The following DDC variants were observed in gnomAD, a reference collection of about 807,000 sequenced individuals.
DDC encodes the protein dopa decarboxylase.
A neutral mutation model predicts 60.0 loss-of-function variants in DDC; 43 were observed. The ratio of observed to expected loss-of-function variants is 0.72; its 90% CI spans 0.56 to 0.92. DDC has a LOEUF of 0.92. Among genes scored for constraint, DDC ranks in the 40% least tolerant of loss-of-function variants. DDC has a pLI of 0.00. For synonymous variants in DDC, 232 were observed against 234.6 expected (o/e 0.99, Z 0.10); for missense variants, 573 against 620.2 (o/e 0.92, Z 0.81).
At position 50,525,324 on chromosome 7, in the gene DDC, A is replaced by G. The variant is rs892981644; in HGVS notation, c.714+2813T>C. Among the ~76,000 whole-genome samples the G allele has an allele frequency of 2.0e-5, 3 of 152,244 alleles. 1 individual carries two copies. The South Asian group carries it at 6.2e-4, about 32-fold the overall frequency. ...ATAAATGACATAGACCTATACACAC[A>G]CAATGAACCAGTGTCAGTCTCCTGT... On this transcript the variant is annotated intron_variant, in intron 6 of 14. Coordinates refer to ENST00000444124, the MANE Select transcript of DDC (RefSeq NM_001082971.2).
rs1232303614 is a variant in DDC at position 50,463,230 on chromosome 7, C to T, written c.*1G>A. ...CAGCCTACCTGCAGCTGGCTTCACTCCTACTCCCTCTCTGCTCGCAGCACG... is the reference window on the plus strand; with the variant it reads ...CAGCCTACCTGCAGCTGGCTTCACTTCTACTCCCTCTCTGCTCGCAGCACG... On this transcript the variant is annotated 3_prime_UTR_variant, in exon 14 of 15. Coordinates refer to ENST00000444124, the MANE Select transcript of DDC (RefSeq NM_001082971.2). 5 of 1,609,584 alleles carry T rather than the reference C, an allele frequency of 3.1e-6. No homozygotes were observed. Among genetic ancestry groups the T allele is most frequent in the Non-Finnish European group, 4.2e-6 (5 of 1,178,128 alleles).
At chr7:50,473,571 G>A (rs995714413) in intron 11 of DDC, among the ~76,000 whole-genome samples, 1 of 152,230 alleles carries the variant, frequency 6.6e-6, no homozygotes, top group Non-Finnish European at 1.5e-5. Context: ...CAGCAGCACA[G>A]AAGGCCAATC....
chr7:50,474,661 G>A (rs2060763), intron 11 of DDC, among the ~76,000 whole-genome samples: 118,495 of 152,168 alleles, frequency 0.78, 46,341 homozygotes, highest in Admixed American at 0.84. Context: ...CAGCATTGCT[G>A]GGGATTGTGC....
At chr7:50,479,952 C>A in intron 9 of DDC, 89 bp from the exon 10 acceptor site, 8 of 950,116 alleles carry the variant, frequency 8.4e-6, no homozygotes, top group South Asian at 4.1e-5. Flanking sequence ...TCAGCTCAGG[C>A]ACCTGCTCCC....
chr7:50,553,292 T>G (rs2153553202), intron 1 of DDC, among the ~76,000 whole-genome samples: 1 of 152,180 alleles, frequency 6.6e-6, no homozygotes, highest in African/African-American at 2.4e-5. Context: ...AAAATAGGGT[T>G]GACATTTTTT....
At chr7:50,528,401 G>T in intron 5 of DDC, 121 bp from the exon 6 acceptor site, 2 of 1,227,290 alleles carry the variant, frequency 1.6e-6, no homozygotes, top group Non-Finnish European at 1.2e-6. Flanking sequence ...CGGCACAGGA[G>T]GCAGAACTGC....
At chr7:50,540,505 A>C (rs1018037219) in intron 2 of DDC, among the ~76,000 whole-genome samples, 4 of 151,666 alleles carry the variant, frequency 2.6e-5, no homozygotes, top group African/African-American at 7.3e-5. Flanking sequence ...CAAAAAAAAA[A>C]ACCAAGCTCT....
chr7:50,478,679 G>C (rs1464146149), intron 10 of DDC, among the ~76,000 whole-genome samples: 1 of 152,172 alleles, frequency 6.6e-6, no homozygotes, highest in Non-Finnish European at 1.5e-5. Flanking sequence ...TTAGCCAGTA[G>C]TTTCCTCTGA....
chr7:50,500,521 A>G (rs1194315993), intron 7 of DDC, among the ~76,000 whole-genome samples: 1 of 152,156 alleles, frequency 6.6e-6, no homozygotes, highest in Non-Finnish European at 1.5e-5. Flanking sequence ...ACATCCCATG[A>G]TTACTGAGTG....
chr7:50,466,876 T>C (rs770188132), intron 13 of DDC, among the ~76,000 whole-genome samples: 2 of 152,186 alleles, frequency 1.3e-5, no homozygotes, highest in Non-Finnish European at 2.9e-5. Context: ...GACACTCAGA[T>C]TAGTGAGGCT....
At chr7:50,512,796 C>T (rs1163817834) in intron 6 of DDC, among the ~76,000 whole-genome samples, 1 of 152,232 alleles carries the variant, frequency 6.6e-6, no homozygotes, top group Non-Finnish European at 1.5e-5. Context: ...TTTTTCCCCC[C>T]TTATTTTCCT....
At chr7:50,508,811 A>G (rs962360615) in intron 6 of DDC, among the ~76,000 whole-genome samples, 17 of 152,164 alleles carry the variant, frequency 1.1e-4, no homozygotes, top group Non-Finnish European at 2.4e-4. Flanking sequence ...CCCCTCTCCT[A>G]TGAGGGCCCA....
At chr7:50,559,238 A>C (rs921091454) in intron 1 of DDC, among the ~76,000 whole-genome samples, 1 of 152,080 alleles carries the variant, frequency 6.6e-6, no homozygotes, top group East Asian at 1.9e-4. Flanking sequence ...TGGCTTTCAC[A>C]CTTGCCTCTG....
chr7:50,540,723 G>T (rs945721106), intron 2 of DDC, among the ~76,000 whole-genome samples: 1 of 152,190 alleles, frequency 6.6e-6, no homozygotes, highest in African/African-American at 2.4e-5. Context: ...AGCCCATAAG[G>T]TGAACACCTG....
intron 6 of DDC, chr7:50,527,891 G>T: frequency 2.4e-6 from 1 of 414,342 alleles, no homozygotes; most frequent in Non-Finnish European, 4.5e-6. Flanking sequence ...GGTAAAAAGC[G>T]TTTCTCAAAG....
intron 9 of DDC, among the ~76,000 whole-genome samples, chr7:50,489,641 A>G (rs545796177): frequency 5.3e-5 from 8 of 152,322 alleles, no homozygotes; most frequent in African/African-American, 1.9e-4. Context: ...AATTAAAACT[A>G]TTCAACCCCT....
chr7:50,557,587 C>T (rs942450758), intron 1 of DDC, among the ~76,000 whole-genome samples: 24 of 152,176 alleles, frequency 1.6e-4, no homozygotes, highest in African/African-American at 4.3e-4. Context: ...CTTAACATAA[C>T]GCTCCTATTT....
chr7:50,527,539 T>C (rs1433608897), intron 6 of DDC, among the ~76,000 whole-genome samples: 1 of 152,206 alleles, frequency 6.6e-6, no homozygotes, highest in Non-Finnish European at 1.5e-5. Context: ...TTGACAAATA[T>C]TTATCGAGCT....
intron 6 of DDC, among the ~76,000 whole-genome samples, chr7:50,521,804 T>C (rs1304691): frequency 0.99 from 151,388 of 152,252 alleles, 75,270 homozygotes; most frequent in Non-Finnish European, 1. Context: ...ACTTGATGAA[T>C]GAAAAACCTA....
Sources: allele counts gnomAD v4.1 joint callset (sites outside exome capture counted in the v4.1 genomes callset), GRCh38; gene constraint gnomAD v4.1.1; transcripts MANE v1.5; gene names NCBI Gene and HGNC (gene_info 2026-07-23, HGNC 2026-07-21).